CTNNA2: variants seen among roughly 807,000 people sequenced by gnomAD.
CTNNA2 encodes the protein catenin alpha 2.
Under a neutral mutation model 101.0 loss-of-function variants are expected in CTNNA2, and 42 were observed. The observed-to-expected ratio is 0.42, with a 90% CI of 0.32 to 0.54. CTNNA2 has a LOEUF of 0.54. Among genes scored for constraint, CTNNA2 ranks in the 20% least tolerant of loss-of-function variants. The pLI is 0.14. For missense variants in CTNNA2, 871 were observed against 1,223.1 expected, an observed-to-expected ratio of 0.71 and a Z score of 4.29; for synonymous variants, 450 against 456.4, an observed-to-expected ratio of 0.99 and a Z score of 0.18.
At chr2:79,760,781 T>A (rs889366603) in intron 3 of CTNNA2, among the ~76,000 whole-genome samples, 7 of 152,224 alleles carry the variant, frequency 4.6e-5, no homozygotes. Flanking sequence ...TAAATTTCTA[T>A]GACACAATGC....
intron 2 of CTNNA2, among the ~76,000 whole-genome samples, chr2:79,669,855 C>A (rs1042304557): frequency 2.0e-5 from 3 of 152,150 alleles, no homozygotes; most frequent in Admixed American, 1.3e-4. Context: ...AAGTGCATGC[C>A]CATTGGTCCA....
At chr2:80,513,555 C>T (rs1201230057) in intron 9 of CTNNA2, among the ~76,000 whole-genome samples, 1 of 152,230 alleles carries the variant, frequency 6.6e-6, no homozygotes, top group Non-Finnish European at 1.5e-5. Flanking sequence ...TGTGTGGTTG[C>T]ATATCAGTCA....
At chr2:79,543,318 T>G (rs1426298215) in intron 1 of CTNNA2, among the ~76,000 whole-genome samples, 2 of 151,628 alleles carry the variant, frequency 1.3e-5, no homozygotes, top group Non-Finnish European at 2.9e-5. Context: ...TATAAAAGAG[T>G]GTTAGGATTT....
At chr2:80,036,842 TGTGTGTGAGAGAGAGA>T (rs1043124429) in intron 7 of CTNNA2, among the ~76,000 whole-genome samples, 2 of 79,714 alleles carry the variant, frequency 2.5e-5, no homozygotes, top group Admixed American at 1.3e-4. Flanking sequence ...TGTGTGTGTG[TGTGTGTGAGAGAGAGA>T]GAGAGAGAGA....
intron 1 of CTNNA2, among the ~76,000 whole-genome samples, chr2:79,610,868 T>G (rs1678225818): frequency 6.6e-6 from 1 of 152,190 alleles, no homozygotes; most frequent in South Asian, 2.1e-4. Flanking sequence ...AGAATAAAGT[T>G]GTTAAAAATA....
intron 3 of CTNNA2, among the ~76,000 whole-genome samples, chr2:79,815,193 T>C (rs111644930): frequency 0.1 from 15,846 of 152,184 alleles, 1,167 homozygotes; most frequent in African/African-American, 0.2. Flanking sequence ...ATGTATAGAT[T>C]GTGAAGATTT....
chr2:79,667,139 A>G (rs761719037), intron 2 of CTNNA2, among the ~76,000 whole-genome samples: 3 of 152,238 alleles, frequency 2.0e-5, no homozygotes, highest in Admixed American at 6.5e-5. Context: ...AAAATTTAAT[A>G]TCTGAAATTT....
At position 80,012,028 on chromosome 2, in the gene CTNNA2, T is replaced by C. The variant is rs189910901; in HGVS notation, c.1056+102231T>C. On this transcript the variant is annotated intron_variant, in intron 7 of 18. Transcript: ENST00000402739. ...ATAACTTGAACACTTAAGCAATTGC[T>C]AGAGCAGATGTACGTTTACAGGCCT... Among the ~76,000 whole-genome samples, 312 of 152,292 alleles carry C rather than the reference T, an allele frequency of 2.0e-3. 1 individual carries two copies. The highest frequency in any genetic ancestry group is 7.2e-3 in the African/African-American group (299 of 41,550).
chr2:80,615,353 A>G (rs923410042), intron 17 of CTNNA2, among the ~76,000 whole-genome samples: 3 of 151,738 alleles, frequency 2.0e-5, no homozygotes, highest in African/African-American at 7.2e-5. Flanking sequence ...TTGTTCACAT[A>G]AGAATATTTT....
intron 1 of CTNNA2, chr2:79,547,033 A>G (rs561658938): frequency 6.6e-6 from 1 of 152,042 alleles, no homozygotes; most frequent in Non-Finnish European, 1.5e-5. Context: ...ATGTGCATGC[A>G]TGCGTGTGTG....
chr2:80,491,424 T>C, intron 9 of CTNNA2, among the ~76,000 whole-genome samples: 1 of 152,188 alleles, frequency 6.6e-6, no homozygotes, highest in East Asian at 1.9e-4. Context: ...CATGTGTAGT[T>C]AGACTAGTTA....
chr2:79,660,454 A>T (rs1293930394), intron 2 of CTNNA2, among the ~76,000 whole-genome samples: 1 of 151,796 alleles, frequency 6.6e-6, no homozygotes, highest in Non-Finnish European at 1.5e-5. Context: ...CCTGTATTAC[A>T]TATATTAATA....
rs560388935 is a variant in CTNNA2 at position 79,203,110 on chromosome 2, C to T, written c.-406+5034C>T. On this transcript the variant is annotated intron_variant, in intron 2 of 21. Coordinates refer to the CTNNA2 transcript ENST00000466387. ...CCTCCATCATCTCTCATTTCTTCCC[C>T]ATCCCCACAGGTAGCCAAGTTGTTG... Among the ~76,000 whole-genome samples, 5 of 152,270 alleles carry T rather than the reference C, an allele frequency of 3.3e-5. No individual in the cohort carries two copies. The East Asian group carries it at 9.7e-4, about 29-fold the overall frequency.
chr2:79,521,099 A>C (rs1672079575), intron 1 of CTNNA2, among the ~76,000 whole-genome samples: 1 of 124,588 alleles, frequency 8.0e-6, no homozygotes. Flanking sequence ...ATAGAAAACA[A>C]AGCTGCTGAT....
At chr2:79,262,929 C>T (rs1231620792) in intron 2 of CTNNA2, among the ~76,000 whole-genome samples, 1 of 152,100 alleles carries the variant, frequency 6.6e-6, no homozygotes. Context: ...GCTAGATCTA[C>T]AATAGTAAAC....
chr2:80,232,345 GTTTTTTTTTTTTTTTTTTTTTTTTTTTT>G (rs61454985), intron 7 of CTNNA2, among the ~76,000 whole-genome samples: 27 of 64,828 alleles, frequency 4.2e-4, no homozygotes, highest in South Asian at 1.3e-3. Flanking sequence ...TTGTTTGTTT[GTTTTTTTTTTTTTTTTTTTTTTTTTTTT>G]TTTTTTTTTT....
chr2:79,945,713 T>C (rs942729814), intron 7 of CTNNA2, among the ~76,000 whole-genome samples: 1 of 152,168 alleles, frequency 6.6e-6, no homozygotes, highest in African/African-American at 2.4e-5. Context: ...AGATGAATAG[T>C]AAAATAAGTC....
chr2:79,724,966 G>A (rs1019132749), intron 2 of CTNNA2, among the ~76,000 whole-genome samples: 25 of 151,988 alleles, frequency 1.6e-4, no homozygotes, highest in African/African-American at 2.7e-4. Context: ...CCTGCAAGTA[G>A]CATACTACTT....
intron 4 of CTNNA2, among the ~76,000 whole-genome samples, chr2:79,483,235 T>C (rs1330519056): frequency 6.6e-6 from 1 of 152,194 alleles, no homozygotes; most frequent in African/African-American, 2.4e-5. Context: ...CTCAAAGAAA[T>C]GACATCCATC....
Sources: allele counts gnomAD v4.1 joint callset (sites outside exome capture counted in the v4.1 genomes callset), GRCh38; gene constraint gnomAD v4.1.1; transcripts MANE v1.5; gene names NCBI Gene and HGNC (gene_info 2026-07-23, HGNC 2026-07-21).